The following CRACD variants were observed in gnomAD, a reference collection of about 807,000 sequenced individuals.
CRACD encodes capping protein-inhibiting regulator of actin dynamics.
A neutral mutation model predicts 106.8 loss-of-function variants in CRACD; 56 were observed. That is an observed-to-expected ratio of 0.52 (90% CI 0.42 to 0.66). The LOEUF (loss-of-function observed/expected upper bound fraction) is 0.66. Ranked by LOEUF, CRACD falls within the 30% of genes least tolerant of loss-of-function variation. The pLI is 0.00. For synonymous variants in CRACD, 754 were observed against 670.8 expected (o/e 1.12, Z -1.92); for missense variants, 1,730 against 1,623.2 (o/e 1.07, Z -1.13).
chr4:56,102,962 T>A (rs556400111), intron 1 of CRACD, among the ~76,000 whole-genome samples: 1 of 152,326 alleles, frequency 6.6e-6, no homozygotes, highest in South Asian at 2.1e-4. Context: ...GCCTTAGCAC[T>A]CATCACAGTT....
At chr4:56,261,736 A>C (rs981955474) in intron 2 of CRACD, among the ~76,000 whole-genome samples, 1 of 152,192 alleles carries the variant, frequency 6.6e-6, no homozygotes, top group Non-Finnish European at 1.5e-5. Flanking sequence ...CCAGTGGAAA[A>C]AAACTAGAAA....
intron 1 of CRACD, among the ~76,000 whole-genome samples, chr4:56,097,181 A>C (rs1733624418): frequency 6.6e-6 from 1 of 152,160 alleles, no homozygotes; most frequent in Admixed American, 6.5e-5. Context: ...GATTAGTATA[A>C]GTAGTGGTGA....
intron 1 of CRACD, among the ~76,000 whole-genome samples, chr4:56,160,478 C>T (rs1466643775): frequency 1.3e-5 from 2 of 152,188 alleles, no homozygotes; most frequent in African/African-American, 2.4e-5. Context: ...GCCACCGTGC[C>T]TGGCCACTAC....
chr4:56,229,429 C>T (rs978771537), intron 2 of CRACD, among the ~76,000 whole-genome samples: 1 of 152,192 alleles, frequency 6.6e-6, no homozygotes, highest in Non-Finnish European at 1.5e-5. Context: ...TCGCCAGACA[C>T]TGAATATTCT....
intron 2 of CRACD, among the ~76,000 whole-genome samples, chr4:56,266,878 T>C (rs943700184): frequency 1.2e-4 from 19 of 152,228 alleles, no homozygotes; most frequent in African/African-American, 4.6e-4. Flanking sequence ...CTTTGAGAAC[T>C]TGCTTTTTTG....
At chr4:56,292,804 G>A (rs531016472) in intron 3 of CRACD, among the ~76,000 whole-genome samples, 53 of 152,230 alleles carry the variant, frequency 3.5e-4, no homozygotes, top group African/African-American at 3.9e-4. Flanking sequence ...GATTACAGGC[G>A]TGAGCCACCG....
intron 2 of CRACD, among the ~76,000 whole-genome samples, chr4:56,270,046 C>T (rs1276173344): frequency 6.6e-5 from 10 of 152,304 alleles, no homozygotes; most frequent in Non-Finnish European, 1.5e-5. Flanking sequence ...TGTGATCTGA[C>T]ACAACGTCGT....
chr4:56,276,676 C>T lies in CRACD; in HGVS notation c.-17+4184C>T, dbSNP rs77583109. Among the ~76,000 whole-genome samples, 201 of 152,300 alleles carry T rather than the reference C, an allele frequency of 1.3e-3. 2 individuals carry two copies. The East Asian group carries it at 0.037, about 28-fold the overall frequency. Reference sequence around the variant, plus strand: ...AAGCAATAAAGAGTGCATTCTTAAACATCCACTACTGTGCCTCTCAAGGAG... The same window carrying T: ...AAGCAATAAAGAGTGCATTCTTAAATATCCACTACTGTGCCTCTCAAGGAG... On this transcript the variant is annotated intron_variant, in intron 3 of 10. Coordinates refer to ENST00000682029, the MANE Select transcript of CRACD (RefSeq NM_001393381.1).
Position 56,330,138 on chromosome 4 carries a change from A to C in CRACD, c.*2334A>C, listed in dbSNP as rs1043572323. 2.0e-5 allele frequency among the ~76,000 whole-genome samples: 3 copies of C among 152,078 alleles called. No homozygotes were observed. Among genetic ancestry groups the C allele is most frequent in the Non-Finnish European group, 4.4e-5 (3 of 68,024 alleles). On this transcript the variant is annotated 3_prime_UTR_variant, in exon 11 of 11. Coordinates refer to ENST00000682029, the MANE Select transcript of CRACD (RefSeq NM_001393381.1). ...TATGGGGAATTCTGTAAAAACATAT[A>C]AAAAGTTCAAGACTTTTTTTTTAAA... is the stretch of plus-strand genomic sequence containing the variant.
chr4:56,155,347 T>C (rs115036248), intron 1 of CRACD, among the ~76,000 whole-genome samples: 2,549 of 152,318 alleles, frequency 0.017, 30 homozygotes, highest in Admixed American at 0.042. Context: ...ATGGCCAACC[T>C]CATTGTCAAT....
chr4:56,262,936 A>T (rs914766367), intron 2 of CRACD, among the ~76,000 whole-genome samples: 1 of 152,200 alleles, frequency 6.6e-6, no homozygotes, highest in African/African-American at 2.4e-5. Flanking sequence ...TCCAAAACAC[A>T]GCTGGCCCTA....
chr4:56,139,939 CAT>C (rs1247341320), intron 1 of CRACD, among the ~76,000 whole-genome samples: 1 of 152,062 alleles, frequency 6.6e-6, no homozygotes, highest in Non-Finnish European at 1.5e-5. Context: ...AAAATTGTAA[CAT>C]AGATACAATT....
At chr4:56,204,419 C>T (rs1198608676) in intron 2 of CRACD, among the ~76,000 whole-genome samples, 1 of 152,178 alleles carries the variant, frequency 6.6e-6, no homozygotes, top group Non-Finnish European at 1.5e-5. Flanking sequence ...GCCTTCCTGC[C>T]GCATCATCCC....
chr4:56,169,203 A>G (rs1736263334), intron 1 of CRACD, among the ~76,000 whole-genome samples: 1 of 152,212 alleles, frequency 6.6e-6, no homozygotes, highest in Non-Finnish European at 1.5e-5. Context: ...ATCCCAACAA[A>G]GGAGCCTAGG....
chr4:56,285,966 A>T (rs1743315798), intron 3 of CRACD, among the ~76,000 whole-genome samples: 1 of 152,160 alleles, frequency 6.6e-6, no homozygotes, highest in African/African-American at 2.4e-5. Flanking sequence ...CCTCTGTTTC[A>T]TAGAGCCAGA....
intron 2 of CRACD, among the ~76,000 whole-genome samples, chr4:56,229,584 A>G (rs1577769957): frequency 6.6e-6 from 1 of 152,348 alleles, no homozygotes; most frequent in East Asian, 1.9e-4. Context: ...GGCCTCTACC[A>G]TGCTATGTAT....
chr4:56,114,875 A>G (rs1219562737), intron 1 of CRACD, among the ~76,000 whole-genome samples: 1 of 152,204 alleles, frequency 6.6e-6, no homozygotes, highest in Admixed American at 6.5e-5. Flanking sequence ...ATAGTAAAAA[A>G]TCTGAAAGCC....
intron 2 of CRACD, among the ~76,000 whole-genome samples, chr4:56,257,409 G>A (rs112848640): frequency 6.6e-6 from 1 of 151,842 alleles, no homozygotes; most frequent in African/African-American, 2.4e-5. Flanking sequence ...GGCCCTGTGG[G>A]CTGGGTGCAG....
chr4:56,192,806 A>G (rs1021525450), intron 2 of CRACD, among the ~76,000 whole-genome samples: 35 of 152,196 alleles, frequency 2.3e-4, no homozygotes, highest in Admixed American at 3.3e-4. Context: ...TCCCTGCAAA[A>G]CACAGACATG....
Sources: gnomAD v4.1 joint callset for allele counts (sites outside exome capture counted in the v4.1 genomes callset) on GRCh38, gnomAD v4.1.1 for gene constraint, MANE v1.5 for transcripts, NCBI Gene and HGNC (gene_info 2026-07-23, HGNC 2026-07-21) for gene names.